DYNC2I2: variants seen among roughly 807,000 people sequenced by gnomAD.
The protein encoded by DYNC2I2 is dynein 2 intermediate chain 2.
DYNC2I2 carries 39 observed loss-of-function variants against 52.0 expected under a neutral mutation model. The ratio of observed to expected loss-of-function variants is 0.75; its 90% CI spans 0.58 to 0.98. The LOEUF is 0.98. Among genes scored for constraint, DYNC2I2 ranks in the 50% least tolerant of loss-of-function variants. The pLI, the probability that DYNC2I2 is intolerant of heterozygous loss-of-function variation, is 0.00. For synonymous variants in DYNC2I2, 359 were observed against 321.1 expected (o/e 1.12, Z -1.26); for missense variants, 743 against 728.4 (o/e 1.02, Z -0.23).
the DYNC2I2 span, among the ~76,000 whole-genome samples, chr9:128,673,412 G>C: frequency 8.7e-6 from 1 of 115,506 alleles, no homozygotes; most frequent in Admixed American, 1.1e-4. Flanking sequence ...TGCAATCTGG[G>C]CTTACTGCAA....
intron 7 of DYNC2I2, 21 bp from the exon 8 acceptor site, chr9:128,634,404 C>CA (rs1222714173): frequency 6.4e-7 from 1 of 1,558,400 alleles, no homozygotes; most frequent in African/African-American, 1.4e-5. Flanking sequence ...TGCAGGGGGC[C>CA]AGGCAAGGGA....
rs1343975369 is a variant in DYNC2I2 at position 128,636,045 on chromosome 9, T to C, written c.703+236A>G. On this transcript the variant is annotated intron_variant, in intron 4 of 8. Transcript: ENST00000372715. ...GCTTCCCAAGGGCACCTGCCTCTTC[T>C]GGCCTCTCCACAGCCCCCTGTCCTG... 6 of 754,906 alleles carry C rather than the reference T, an allele frequency of 7.9e-6. No homozygotes were observed. In the East Asian group the frequency reaches 1.3e-4, roughly 17 times the overall value. 46.8% of individuals were successfully genotyped at this position (754,906 alleles called of 1,614,324 possible).
At chr9:128,634,416 T>TC (rs1184422387) in intron 7 of DYNC2I2, 33 bp from the exon 8 acceptor site, 2 of 1,553,522 alleles carry the variant, frequency 1.3e-6, no homozygotes, top group African/African-American at 2.7e-5. Context: ...GGCAAGGGAA[T>TC]CAGTGCTGGG....
At chr9:128,668,797 CA>C in the DYNC2I2 span, among the ~76,000 whole-genome samples, 1 of 136,698 alleles carries the variant, frequency 7.3e-6, no homozygotes, top group Non-Finnish European at 1.6e-5. Context: ...CCCTGGAAAA[CA>C]GAGCGAGACT....
At chr9:128,678,448 A>AT in the DYNC2I2 span, among the ~76,000 whole-genome samples, 51,124 of 61,198 alleles carry the variant, frequency 0.84, 24,619 homozygotes, top group Non-Finnish European at 0.88. Flanking sequence ...ACCACAGGTA[A>AT]TTTTTTTTTT....
chr9:128,651,833 T>G (rs1338630938), intron 1 of DYNC2I2: 1 of 143,564 alleles, frequency 7.0e-6, no homozygotes, highest in African/African-American at 2.7e-5. Flanking sequence ...GAGAATTGCT[T>G]GAACCCAGGA....
chr9:128,683,379 A>C, the DYNC2I2 span: 3 of 198,652 alleles, frequency 1.5e-5, no homozygotes, highest in Middle Eastern at 1.6e-3. Context: ...GAGACAAGGG[A>C]GGTCAGGAAG....
intron 3 of DYNC2I2, 134 bp from the exon 4 acceptor site, chr9:128,636,572 G>A: frequency 9.2e-7 from 1 of 1,084,284 alleles, no homozygotes; most frequent in Non-Finnish European, 1.3e-6. Flanking sequence ...GGGTATTGAA[G>A]TGGCCCACAC....
chr9:128,652,789 C>A (rs975470081), intron 1 of DYNC2I2, among the ~76,000 whole-genome samples: 1 of 149,862 alleles, frequency 6.7e-6, no homozygotes, highest in Non-Finnish European at 1.5e-5. Context: ...CATGGTGGCA[C>A]ATGCCTGTAA....
the DYNC2I2 span, among the ~76,000 whole-genome samples, chr9:128,669,611 C>T: frequency 1.3e-5 from 2 of 152,094 alleles, no homozygotes; most frequent in Non-Finnish European, 2.9e-5. Context: ...GTAGGAGAAT[C>T]GCTTGAACCT....
In DYNC2I2 at chr9:128,635,467, A is replaced by C; in HGVS notation, c.813+191T>G. 7 of 801,274 alleles carry C rather than the reference A, an allele frequency of 8.7e-6. No homozygotes were observed. In the South Asian group the frequency reaches 1.2e-4, roughly 14 times the overall value. The allele number at this position is 801,274 out of a possible 1,614,324, so 49.6% of individuals were successfully genotyped here. A position where few individuals can be genotyped will look rare whatever the true frequency, so the allele number is the denominator to read the frequency against. On this transcript the variant is annotated intron_variant, in intron 5 of 8. Transcript: ENST00000372715. ...CCAGCGCTGCTCACTCGGTGCCTGC[A>C]GAGGAGGCTGGGAATGGCCACAGGG...
chr9:128,647,992 G>A (rs1267399758), intron 1 of DYNC2I2, among the ~76,000 whole-genome samples: 3 of 152,062 alleles, frequency 2.0e-5, no homozygotes, highest in Non-Finnish European at 4.4e-5. Context: ...GGAAACTGAG[G>A]CCCAGAAAGG....
Position 128,636,533 on chromosome 9 carries a change from G to A in DYNC2I2, c.546-95C>T, listed in dbSNP as rs1041578526. 6 of 1,413,082 alleles carry A rather than the reference G, an allele frequency of 4.2e-6. No individual in the cohort carries two copies. In the African/African-American group the frequency reaches 8.5e-5, roughly 20 times the overall value. 87.5% of individuals were successfully genotyped at this position (1,413,082 alleles called of 1,614,324 possible). Reference sequence around the variant, plus strand: ...CCCACTAGCCCCGGACACACTCGCTGTGTCCTTGTCACCACCAGACACTAC... The same window carrying A: ...CCCACTAGCCCCGGACACACTCGCTATGTCCTTGTCACCACCAGACACTAC... On this transcript the variant is annotated intron_variant, in intron 3 of 8. Coordinates refer to ENST00000372715, the MANE Select transcript of DYNC2I2 (RefSeq NM_052844.4).
the DYNC2I2 span, among the ~76,000 whole-genome samples, chr9:128,678,448 ATTTTTTTTTTTTTTTT>A: frequency 3.3e-5 from 2 of 61,378 alleles, no homozygotes; most frequent in African/African-American, 7.8e-5. Flanking sequence ...ACCACAGGTA[ATTTTTTTTTTTTTTTT>A]TTTTTTTTTT....
intron 1 of DYNC2I2, among the ~76,000 whole-genome samples, chr9:128,645,077 G>C (rs1003968144): frequency 4.6e-5 from 7 of 151,966 alleles, no homozygotes; most frequent in African/African-American, 1.7e-4. Flanking sequence ...TAGGCCAGGC[G>C]CAGTGGCTCA....
chr9:128,651,812 G>C (rs2132177654), intron 1 of DYNC2I2: 1 of 149,296 alleles, frequency 6.7e-6, no homozygotes, highest in African/African-American at 2.5e-5. Flanking sequence ...CTACTCAGGA[G>C]GCTGAGGCAG....
intron 1 of DYNC2I2, among the ~76,000 whole-genome samples, chr9:128,641,400 G>A (rs999856022): frequency 3.9e-5 from 6 of 152,074 alleles, no homozygotes; most frequent in African/African-American, 1.2e-4. Context: ...CAGCACCCGG[G>A]TAAGCAACAG....
chr9:128,647,195 C>T (rs548532416), intron 1 of DYNC2I2, among the ~76,000 whole-genome samples: 3 of 152,270 alleles, frequency 2.0e-5, no homozygotes, highest in South Asian at 4.1e-4. Flanking sequence ...GGTAAGAAGC[C>T]ACCATTACTC....
intron 1 of DYNC2I2, among the ~76,000 whole-genome samples, chr9:128,642,178 T>C (rs1407991175): frequency 6.6e-6 from 1 of 150,428 alleles, no homozygotes; most frequent in East Asian, 2.0e-4. Flanking sequence ...TCCCAGCTAC[T>C]CGGGAGGCTG....
Sources: allele counts gnomAD v4.1 joint callset (sites outside exome capture counted in the v4.1 genomes callset), GRCh38; gene constraint gnomAD v4.1.1; transcripts MANE v1.5; gene names NCBI Gene and HGNC (gene_info 2026-07-23, HGNC 2026-07-21).